PTPRM: variants seen among roughly 807,000 people sequenced by gnomAD.
The protein encoded by PTPRM is receptor-type tyrosine-protein phosphatase mu.
A neutral mutation model predicts 186.7 loss-of-function variants in PTPRM; 47 were observed. The ratio of observed to expected loss-of-function variants is 0.25; its 90% CI spans 0.20 to 0.32. PTPRM has a LOEUF of 0.32. Among genes scored for constraint, PTPRM ranks in the 10% least tolerant of loss-of-function variants. PTPRM has a pLI of 1.00. For synonymous variants in PTPRM, 668 were observed against 674.9 expected (o/e 0.99, Z 0.16); for missense variants, 1,494 against 1,865.0 (o/e 0.80, Z 3.66).
intron 1 of PTPRM, among the ~76,000 whole-genome samples, chr18:7,649,418 A>T (rs2038642909): frequency 6.6e-6 from 1 of 152,232 alleles, no homozygotes; most frequent in African/African-American, 2.4e-5. Flanking sequence ...TAGCTATCAT[A>T]GATAGTTATT....
chr18:7,966,514 CG>C (rs1252375902), intron 7 of PTPRM, among the ~76,000 whole-genome samples: 6 of 151,500 alleles, frequency 4.0e-5, no homozygotes, highest in Non-Finnish European at 8.8e-5. Flanking sequence ...ACGCAGAAGA[CG>C]GGTGATTTCT....
chr18:7,717,306 G>T (rs1009325037), intron 1 of PTPRM, among the ~76,000 whole-genome samples: 92 of 152,156 alleles, frequency 6.0e-4, no homozygotes, highest in African/African-American at 2.2e-3. Context: ...ACTACGGCTG[G>T]ATGTTGGAGA....
At chr18:8,201,334 G>A (rs1168667659) in intron 14 of PTPRM, among the ~76,000 whole-genome samples, 3 of 152,088 alleles carry the variant, frequency 2.0e-5, no homozygotes, top group Non-Finnish European at 4.4e-5. Context: ...AAAAAGAAAA[G>A]ATTTAAAAAC....
chr18:8,034,494 C>A (rs1024620770), intron 7 of PTPRM, among the ~76,000 whole-genome samples: 1 of 152,106 alleles, frequency 6.6e-6, no homozygotes, highest in Admixed American at 6.6e-5. Context: ...TTCTAAAATA[C>A]AGTGATGGGA....
chr18:7,872,123 G>T (rs1271640295), intron 2 of PTPRM, among the ~76,000 whole-genome samples: 1 of 152,244 alleles, frequency 6.6e-6, no homozygotes, highest in East Asian at 1.9e-4. Flanking sequence ...TCAAATTACT[G>T]TTTCTGCTTT....
intron 7 of PTPRM, among the ~76,000 whole-genome samples, chr18:7,990,179 C>T (rs1210424784): frequency 6.6e-6 from 1 of 152,210 alleles, no homozygotes; most frequent in Non-Finnish European, 1.5e-5. Flanking sequence ...GCTGGGATTA[C>T]AGGCATGAGC....
chr18:7,902,145 C>A (rs147222579), intron 3 of PTPRM, among the ~76,000 whole-genome samples: 1 of 152,272 alleles, frequency 6.6e-6, no homozygotes, highest in East Asian at 1.9e-4. Flanking sequence ...AGTGTTGGAA[C>A]CTGTCAAGTT....
chr18:7,897,738 T>C (rs1348079485), intron 3 of PTPRM, among the ~76,000 whole-genome samples: 1 of 152,210 alleles, frequency 6.6e-6, no homozygotes, highest in Non-Finnish European at 1.5e-5. Context: ...CTCTGCGTGG[T>C]CTGCCGCTAT....
rs2095330060 is a variant in PTPRM, at chr18:8,319,212, A to C, written c.2954A>C (p.Gln985Pro). Residue 985 changes from glutamine to proline, a missense_variant and splice_region_variant, in exon 22 of 33, where the codon CAA becomes CCA. Transcript: ENST00000580170. ...YHRPNHYIAT[Q>P]GPMQETIYDF... ...CGACCCAATCATTACATTGCTACCC[A>C]AGGTAAGTTTATTTCTACTTTGTTG... 1 of 1,558,952 alleles carries C rather than the reference A, an allele frequency of 6.4e-7. No homozygotes were observed. Among genetic ancestry groups the C allele is most frequent in the African/African-American group, 1.4e-5 (1 of 73,536 alleles).
chr18:8,150,772 T>G (rs1208135990), intron 14 of PTPRM, among the ~76,000 whole-genome samples: 3 of 152,168 alleles, frequency 2.0e-5, no homozygotes, highest in Non-Finnish European at 4.4e-5. Context: ...TTTCTCCCCA[T>G]CTTTATGGAT....
chr18:8,273,443 A>G (rs1016168514), intron 19 of PTPRM, among the ~76,000 whole-genome samples: 2 of 152,124 alleles, frequency 1.3e-5, no homozygotes, highest in Non-Finnish European at 2.9e-5. Flanking sequence ...TATATGTTCC[A>G]TACCCTCTGC....
chr18:8,284,523 G>C (rs888882325), intron 19 of PTPRM, among the ~76,000 whole-genome samples: 1 of 152,006 alleles, frequency 6.6e-6, no homozygotes, highest in South Asian at 2.1e-4. Context: ...TTAACATTTG[G>C]GGTATAATGC....
chr18:8,117,119 C>G (rs1007982378), intron 13 of PTPRM, among the ~76,000 whole-genome samples: 1 of 152,154 alleles, frequency 6.6e-6, no homozygotes, highest in Non-Finnish European at 1.5e-5. Context: ...ACCTTTTAGT[C>G]AGAAAATGTG....
intron 7 of PTPRM, among the ~76,000 whole-genome samples, chr18:7,998,735 A>G (rs1223822237): frequency 1.3e-5 from 2 of 151,666 alleles, no homozygotes; most frequent in Non-Finnish European, 1.5e-5. Flanking sequence ...GCTCACTGCA[A>G]CCTCCACCTC....
chr18:7,603,150 G>A (rs777642116), intron 1 of PTPRM, among the ~76,000 whole-genome samples: 2 of 151,886 alleles, frequency 1.3e-5, no homozygotes, highest in Non-Finnish European at 2.9e-5. Flanking sequence ...GGATGGTCTC[G>A]ATCTCCTGGC....
intron 6 of PTPRM, among the ~76,000 whole-genome samples, chr18:7,952,727 C>A (rs1185133286): frequency 6.6e-6 from 1 of 151,734 alleles, no homozygotes; most frequent in African/African-American, 2.4e-5. Flanking sequence ...AAATGTTGGC[C>A]GGGCGTGGTG....
At chr18:7,946,921 A>G in intron 5 of PTPRM, 1 of 456,170 alleles carries the variant, frequency 2.2e-6, no homozygotes. Flanking sequence ...GAGCATGCCT[A>G]GCCCAGCCCC....
In PTPRM at chr18:8,088,849, C is replaced by T. The variant is rs1458031482; in HGVS notation, c.1854C>T (p.Val618=). 1 of 1,602,102 alleles carries T rather than the reference C, an allele frequency of 6.2e-7. No individual in the cohort carries two copies. The highest frequency in any genetic ancestry group is 1.3e-5 in the African/African-American group (1 of 74,562). The change falls in exon 11 of 33, where the codon GTC becomes GTT. Residue 618 remains valine (V), a splice_region_variant and synonymous_variant. Transcript: ENST00000580170. ...CTGCCCACAGCAGAGGAGCACCTGT[C>T]AGGTATGGAACAGAGGGTTGGGCCG... The part of the protein sequence containing the change: ...LKPAHSRGAP[V]SVYQIVVEEE...
At chr18:7,836,185 G>A (rs997998628) in intron 2 of PTPRM, among the ~76,000 whole-genome samples, 2 of 151,810 alleles carry the variant, frequency 1.3e-5, no homozygotes, top group African/African-American at 4.8e-5. Flanking sequence ...TTTTCTTCCT[G>A]TCTTTCTTTT....
Sources: gnomAD v4.1 joint callset for allele counts (sites outside exome capture counted in the v4.1 genomes callset) on GRCh38, gnomAD v4.1.1 for gene constraint, MANE v1.5 for transcripts, NCBI Gene and HGNC (gene_info 2026-07-23, HGNC 2026-07-21) for gene names.